NOB1: variants seen among roughly 807,000 people sequenced by gnomAD.
NOB1 encodes the protein NIN1 (RPN12) binding protein 1 homolog, also known as RNA-binding protein NOB1.
A neutral mutation model predicts 44.8 loss-of-function variants in NOB1; 44 were observed. The ratio of observed to expected loss-of-function variants is 0.98; its 90% CI spans 0.77 to 1.26. NOB1 has a LOEUF of 1.26. Among genes scored for constraint, NOB1 ranks in the 50% most tolerant of loss-of-function variants. The pLI is 0.00. For missense variants in NOB1, 560 were observed against 544.8 expected (o/e 1.03, Z -0.28); for synonymous variants, 238 against 218.7 (o/e 1.09, Z -0.78).
At position 69,748,288 on chromosome 16, in the gene NOB1, G is replaced by A. The variant is rs752107954; in HGVS notation, c.768C>T (p.Asn256=). 3.5e-5 allele frequency: 56 copies of A among 1,613,884 alleles called. No individual in the cohort carries two copies. The highest frequency in any genetic ancestry group is 5.3e-5 in the African/African-American group (4 of 74,922). ...TCCGGGCCTCACGAATCAGCATGCC[G>A]TTCACCGCCAGCACGTGCAGCCCCA... ...LQMGLHVLAV[N]GMLIREARSY... is the part of the protein sequence containing the mutation. Residue 256 remains asparagine (N), a synonymous_variant, in exon 7 of 9, where the codon AAC becomes AAT. Transcript: ENST00000268802.
chr16:69,744,982 T>C lies in NOB1; in HGVS notation c.860A>G (p.His287Arg), dbSNP rs1299005087. Residue 287 changes from histidine (H) to arginine (R), a missense_variant, in exon 8 of 9, where the codon CAC (histidine) becomes CGC (arginine). Physicochemically the swap from His to Arg is conservative, Grantham distance 29. Coordinates refer to ENST00000268802, the MANE Select transcript of NOB1 (RefSeq NM_014062.3). ...TSDMSRVFCSHCGNKTLKKVS... is the reference protein window; with the variant it reads ...TSDMSRVFCSRCGNKTLKKVS... ...TTTCTTCAGGGTCTTGTTCCCACAG[T>C]GTGAGCAGAACACTCGGCTCATGTC... 15 of 1,614,008 alleles carry C rather than the reference T, an allele frequency of 9.3e-6. No individual in the cohort carries two copies. Among genetic ancestry groups the C allele is most frequent in the Non-Finnish European group, 1.2e-5 (14 of 1,179,996 alleles).
intron 6 of NOB1, chr16:69,748,708 G>A (rs1356176660): frequency 3.7e-6 from 2 of 542,046 alleles, no homozygotes; most frequent in Non-Finnish European, 6.4e-6. Context: ...AATAGTAAAC[G>A]TTAAACATTT....
At chr16:69,751,281 T>A (rs988790922) in intron 3 of NOB1, among the ~76,000 whole-genome samples, 3 of 152,202 alleles carry the variant, frequency 2.0e-5, no homozygotes, top group African/African-American at 7.2e-5. Flanking sequence ...GCCCTGGGAT[T>A]ATAGGCATAA....
intron 7 of NOB1, among the ~76,000 whole-genome samples, chr16:69,745,525 G>T (rs532219515): frequency 7.0e-4 from 106 of 152,330 alleles, no homozygotes; most frequent in Admixed American, 9.8e-4. Flanking sequence ...CAGCCTGGGT[G>T]TTAACTCGGG....
rs2151752859 is a variant in NOB1, at chr16:69,744,981, G to A, written c.861C>T (p.His287=). The A allele has an allele frequency of 1.2e-6, 2 of 1,614,166 alleles. No individual in the cohort carries two copies. The highest frequency in any genetic ancestry group is 1.7e-6 in the Non-Finnish European group (2 of 1,180,038). ...CTTTCTTCAGGGTCTTGTTCCCACA[G>A]TGTGAGCAGAACACTCGGCTCATGT... ...TSDMSRVFCS[H]CGNKTLKKVS... Residue 287 remains histidine (H), a synonymous_variant, in exon 8 of 9, where the codon CAC becomes CAT. Coordinates refer to ENST00000268802, the MANE Select transcript of NOB1 (RefSeq NM_014062.3).
intron 7 of NOB1, among the ~76,000 whole-genome samples, chr16:69,747,176 G>A (rs1206475568): frequency 8.4e-5 from 12 of 143,304 alleles, no homozygotes; most frequent in African/African-American, 2.4e-4. Context: ...AGTCGTGATC[G>A]TGCCACTGCA....
intron 2 of NOB1, 110 bp downstream of exon 2, chr16:69,754,484 T>C: frequency 1.4e-6 from 2 of 1,440,200 alleles, no homozygotes; most frequent in Non-Finnish European, 1.9e-6. Flanking sequence ...AAGTGCTGGC[T>C]CTAAATCTAC....
intron 7 of NOB1, among the ~76,000 whole-genome samples, chr16:69,745,976 C>T (rs1314194955): frequency 2.0e-5 from 3 of 152,166 alleles, no homozygotes; most frequent in Non-Finnish European, 2.9e-5. Flanking sequence ...TAACAAAGGA[C>T]GTTGGAGAAA....
At chr16:69,743,826 A>G (rs1412221288) in intron 8 of NOB1, among the ~76,000 whole-genome samples, 2 of 152,258 alleles carry the variant, frequency 1.3e-5, no homozygotes, top group African/African-American at 4.8e-5. Flanking sequence ...TTGGGTCTGC[A>G]GATTACACAC....
chr16:69,752,451 A>G (rs1597618435), intron 2 of NOB1, 80 bp from the exon 3 acceptor site: 1 of 1,400,488 alleles, frequency 7.1e-7, no homozygotes, highest in Non-Finnish European at 9.9e-7. Flanking sequence ...TATCAAAACA[A>G]TTTAGAACAG....
intron 3 of NOB1, among the ~76,000 whole-genome samples, chr16:69,751,083 C>A (rs2038478862): frequency 6.6e-6 from 1 of 152,070 alleles, no homozygotes; most frequent in Admixed American, 6.6e-5. Flanking sequence ...TTCTTTTTTA[C>A]CTCCAGAAAG....
At chr16:69,748,358 A>G (rs372725645) in intron 6 of NOB1, 29 bp from the exon 7 acceptor site, 72 of 1,581,868 alleles carry the variant, frequency 4.6e-5, no homozygotes, top group Admixed American at 1.0e-4. Context: ...GAAGAAATCA[A>G]TTTTCTTTTC....
At chr16:69,749,695 T>C in intron 3 of NOB1, 65 bp from the exon 4 acceptor site, 2 of 1,304,808 alleles carry the variant, frequency 1.5e-6, no homozygotes, top group East Asian at 2.4e-5. Context: ...TTTTTTTTTT[T>C]GGCCGGGCAC....
At position 69,749,223 on chromosome 16, in the gene NOB1, T is replaced by C. The variant is rs780699346; in HGVS notation, c.515A>G (p.Gln172Arg). 1.2e-6 allele frequency: 2 copies of C among 1,613,122 alleles called. No homozygotes were observed. The highest frequency in any genetic ancestry group is 2.2e-5 in the East Asian group (1 of 44,884). ...AAGTCAAGGCCTCACCAGCAGCTCC[T>C]GCAGTTCATGATCGATGTTGGGCAA... ...NPLPNIDHEL[Q>R]ELLIDRGEDV... Residue 172 changes from glutamine (Q) to arginine (R), a missense_variant, in exon 5 of 9, where the codon CAG (glutamine) becomes CGG (arginine). Gln to Arg is a conservative substitution (Grantham distance 43). Coordinates refer to ENST00000268802, the MANE Select transcript of NOB1 (RefSeq NM_014062.3).
chr16:69,748,629 C>G (rs2151753859), intron 6 of NOB1: 1 of 530,394 alleles, frequency 1.9e-6, no homozygotes, highest in South Asian at 2.7e-5. Flanking sequence ...ACCCTCTCTC[C>G]CTGTGTTAAG....
chr16:69,748,574 CATTTT>C (rs1209768259), intron 6 of NOB1, among the ~76,000 whole-genome samples: 10 of 152,146 alleles, frequency 6.6e-5, no homozygotes, highest in African/African-American at 4.8e-5. Flanking sequence ...TCTCAACAGA[CATTTT>C]ATTTTGTCTG....
In NOB1 at chr16:69,749,583, A is replaced by AATGT; in HGVS notation, c.371_374dup (p.Ser126HisfsTer11). 6.2e-7 allele frequency: 1 copy of AATGT among 1,613,536 alleles called. No individual in the cohort carries two copies. The highest frequency in any genetic ancestry group is 8.5e-7 in the Non-Finnish European group (1 of 1,179,896). On this transcript the variant is annotated frameshift_variant, in exon 4 of 9. Coordinates refer to ENST00000268802, the MANE Select transcript of NOB1 (RefSeq NM_014062.3). LOFTEE classifies it high-confidence loss of function. ...CCTTGTAGGGCAGATGGAAACCAGA[A>AATGT]ATGTGCAGAGGTGTTTCTGGGTGCT...
rs8045682 is a variant in NOB1 at position 69,752,189 on chromosome 16, C to G, written c.327+52G>C. The G allele has an allele frequency of 3.2e-6, 5 of 1,564,676 alleles. No individual in the cohort carries two copies. In the African/African-American group the frequency reaches 5.4e-5, roughly 17 times the overall value. ...ACACTAGTCCTTCTACTTTTGTATA[C>G]CTGACAGTTCCCATAATACAAAGCT... On this transcript the variant is annotated intron_variant, in intron 3 of 8. Coordinates refer to ENST00000268802, the MANE Select transcript of NOB1 (RefSeq NM_014062.3).
rs1597618265 is a variant in NOB1 at position 69,752,140 on chromosome 16, G to T, written c.327+101C>A. On this transcript the variant is annotated intron_variant, in intron 3 of 8. Transcript: ENST00000268802. ...TAGCTAAGAGATAATTGGAGGGGGG[G>T]ATGATGGGAACCCTGGGTCCATTAC... 7 of 1,045,756 alleles carry T rather than the reference G, an allele frequency of 6.7e-6. No individual in the cohort carries two copies. The East Asian group carries it at 1.2e-4, about 18-fold the overall frequency. The allele number at this position is 1,045,756 out of a possible 1,614,324, so 64.8% of individuals were successfully genotyped here.
Sources: allele counts gnomAD v4.1 joint callset (sites outside exome capture counted in the v4.1 genomes callset), GRCh38; gene constraint gnomAD v4.1.1; transcripts MANE v1.5; gene names NCBI Gene and HGNC (gene_info 2026-07-23, HGNC 2026-07-21).